The following PTPRD variants were observed in gnomAD, a reference collection of about 807,000 sequenced individuals.
PTPRD encodes receptor-type tyrosine-protein phosphatase delta.
Under a neutral mutation model 214.5 loss-of-function variants are expected in PTPRD, and 34 were observed. The observed-to-expected ratio is 0.16, with a 90% confidence interval of 0.12 to 0.21. The LOEUF is 0.21. PTPRD is among the 10% of genes least tolerant of loss of function. The pLI, the probability that PTPRD is intolerant of heterozygous loss-of-function variation, is 1.00. For synonymous variants in PTPRD, 1,128 were observed against 845.7 expected (o/e 1.33, Z -5.79); for missense variants, 2,545 against 2,398.7 (o/e 1.06, Z -1.27).
intron 4 of PTPRD, among the ~76,000 whole-genome samples, chr9:10,008,260 T>C (rs2096529291): frequency 6.6e-6 from 1 of 151,872 alleles, no homozygotes; most frequent in Non-Finnish European, 1.5e-5. Flanking sequence ...AGACTTTCAT[T>C]CCTAAAAGTT....
rs141032587 is a variant in PTPRD at position 10,282,735 on chromosome 9, T to C, written c.-545+58228A>G. Among the ~76,000 whole-genome samples, 225 of 152,214 alleles carry C rather than the reference T, an allele frequency of 1.5e-3. 1 individual carries two copies. Among genetic ancestry groups the C allele is most frequent in the Middle Eastern group, 0.01 (3 of 294 alleles). On this transcript the variant is annotated intron_variant, in intron 3 of 45. Coordinates refer to ENST00000381196, the MANE Select transcript of PTPRD (RefSeq NM_002839.4). ...TGATTTTTTTTAAGTTGCATGGTGA[T>C]TCTGATTGTAGTTAGGATTTAGAAC...
chr9:9,265,792 T>TA lies in PTPRD; in HGVS notation c.-202-82430dup, dbSNP rs200743485. On this transcript the variant is annotated intron_variant, in intron 9 of 45. Coordinates refer to ENST00000381196, the MANE Select transcript of PTPRD (RefSeq NM_002839.4). ...TCAAAAGGAAAGACAACAACAACAATAAAAAAAAATAAAGAAAGGAACAAA... is the reference window on the plus strand; with the variant it reads ...TCAAAAGGAAAGACAACAACAACAATAAAAAAAAAATAAAGAAAGGAACAAA... Among the ~76,000 whole-genome samples the TA allele has an allele frequency of 2.8e-3, 398 of 144,132 alleles. 2 individuals are homozygous for TA. The Middle Eastern group carries it at 0.049, about 18-fold the overall frequency. 94.6% of individuals were successfully genotyped at this position (144,132 alleles called of 152,430 possible).
At chr9:8,674,846 T>C (rs1490739348) in intron 12 of PTPRD, among the ~76,000 whole-genome samples, 1 of 152,172 alleles carries the variant, frequency 6.6e-6, no homozygotes, top group Non-Finnish European at 1.5e-5. Context: ...TTTGTATGTG[T>C]TTTTTGTTTG....
chr9:9,905,227 T>A (rs1170487785), intron 5 of PTPRD, among the ~76,000 whole-genome samples: 1 of 151,960 alleles, frequency 6.6e-6, no homozygotes, highest in Non-Finnish European at 1.5e-5. Context: ...CTTCTGTAGC[T>A]CCTCATTTAC....
At chr9:9,711,501 AATT>A (rs1327492868) in intron 7 of PTPRD, among the ~76,000 whole-genome samples, 1 of 152,182 alleles carries the variant, frequency 6.6e-6, no homozygotes, top group Non-Finnish European at 1.5e-5. Flanking sequence ...TAATAATAAT[AATT>A]ATAATTAGAC....
intron 5 of PTPRD, among the ~76,000 whole-genome samples, chr9:9,860,935 C>T (rs745976714): frequency 2.0e-5 from 3 of 152,066 alleles, no homozygotes; most frequent in Non-Finnish European, 4.4e-5. Flanking sequence ...AAGAAAAATG[C>T]AGTTTTGGGA....
intron 7 of PTPRD, among the ~76,000 whole-genome samples, chr9:9,682,131 C>T (rs1190819295): frequency 6.6e-6 from 1 of 151,706 alleles, no homozygotes; most frequent in Non-Finnish European, 1.5e-5. Flanking sequence ...ACAAACCTGG[C>T]ACTAATCTTA....
chr9:10,133,844 G>T (rs2098921411), intron 3 of PTPRD, among the ~76,000 whole-genome samples: 1 of 152,062 alleles, frequency 6.6e-6, no homozygotes, highest in African/African-American at 2.4e-5. Context: ...TAATCACTGT[G>T]CTTAGTGCTT....
At chr9:9,757,499 G>A (rs1008012773) in intron 6 of PTPRD, among the ~76,000 whole-genome samples, 1 of 151,940 alleles carries the variant, frequency 6.6e-6, no homozygotes, top group African/African-American at 2.4e-5. Flanking sequence ...TTCTCAATAG[G>A]GAAGACAACG....
At chr9:10,319,532 G>A (rs1473088662) in intron 3 of PTPRD, among the ~76,000 whole-genome samples, 8 of 152,044 alleles carry the variant, frequency 5.3e-5, no homozygotes, top group Admixed American at 1.3e-4. Context: ...AAACAAGGAA[G>A]TGATGTAAAG....
chr9:9,383,378 G>C (rs1261261624), intron 9 of PTPRD, among the ~76,000 whole-genome samples: 2 of 151,934 alleles, frequency 1.3e-5, no homozygotes, highest in African/African-American at 4.8e-5. Context: ...GCATACTATG[G>C]ACATACAAGT....
At chr9:9,841,983 G>C in intron 5 of PTPRD, among the ~76,000 whole-genome samples, 1 of 152,072 alleles carries the variant, frequency 6.6e-6, no homozygotes, top group East Asian at 1.9e-4. Context: ...GGACAAGGAA[G>C]TAGGATAAAT....
At chr9:9,769,797 C>T (rs2098737493) in intron 5 of PTPRD, among the ~76,000 whole-genome samples, 1 of 151,472 alleles carries the variant, frequency 6.6e-6, no homozygotes, top group African/African-American at 2.4e-5. Flanking sequence ...GTGTGATGTT[C>T]CCCTCCCTGT....
intron 5 of PTPRD, among the ~76,000 whole-genome samples, chr9:9,864,530 G>T (rs1044348505): frequency 2.0e-5 from 3 of 151,872 alleles, no homozygotes; most frequent in African/African-American, 7.3e-5. Flanking sequence ...TTGTTTGTTT[G>T]TTTTTTGAGG....
intron 6 of PTPRD, among the ~76,000 whole-genome samples, chr9:9,739,558 T>C (rs1009744638): frequency 6.6e-6 from 1 of 152,096 alleles, no homozygotes; most frequent in Non-Finnish European, 1.5e-5. Context: ...TTAACTGACA[T>C]TAGCTTTCCT....
At chr9:9,158,605 T>C (rs2099883449) in intron 10 of PTPRD, among the ~76,000 whole-genome samples, 2 of 151,436 alleles carry the variant, frequency 1.3e-5, no homozygotes, top group Non-Finnish European at 2.9e-5. Context: ...ATCTCGAAAA[T>C]AAATAAATAA....
At chr9:10,356,753 T>C (rs575966354) in intron 2 of PTPRD, among the ~76,000 whole-genome samples, 4 of 152,140 alleles carry the variant, frequency 2.6e-5, no homozygotes, top group African/African-American at 7.2e-5. Flanking sequence ...TATTTCAGCT[T>C]ACAGAAACCT....
At chr9:8,854,121 C>T (rs55764273) in intron 11 of PTPRD, among the ~76,000 whole-genome samples, 19,815 of 150,986 alleles carry the variant, frequency 0.13, 2,982 homozygotes, top group African/African-American at 0.37. Context: ...CTACATAAAA[C>T]GTAAAGTTTA....
At chr9:9,385,817 T>G (rs1198866763) in intron 9 of PTPRD, among the ~76,000 whole-genome samples, 2 of 152,158 alleles carry the variant, frequency 1.3e-5, no homozygotes, top group African/African-American at 4.8e-5. Context: ...AATAATCTTG[T>G]AATTAAAGTG....
Sources: allele counts gnomAD v4.1 joint callset (sites outside exome capture counted in the v4.1 genomes callset), GRCh38; gene constraint gnomAD v4.1.1; transcripts MANE v1.5; gene names NCBI Gene and HGNC (gene_info 2026-07-23, HGNC 2026-07-21).